The following BMPR1B variants were observed in gnomAD, a reference collection of about 807,000 sequenced individuals.
BMPR1B encodes the protein bone morphogenetic protein receptor type 1B, also known as bone morphogenetic protein receptor type-1B.
In BMPR1B, 12 loss-of-function variants were observed where a neutral mutation model predicts 59.1. The ratio of observed to expected loss-of-function variants is 0.20; its 90% CI spans 0.13 to 0.33. BMPR1B has a LOEUF of 0.33. BMPR1B is among the 10% of genes least tolerant of loss of function. BMPR1B has a pLI of 1.00. For missense variants in BMPR1B, 550 were observed against 610.9 expected, an observed-to-expected ratio of 0.90 and a Z score of 1.05; for synonymous variants, 237 against 207.3, an observed-to-expected ratio of 1.14 and a Z score of -1.23.
intron 1 of BMPR1B, among the ~76,000 whole-genome samples, chr4:94,865,073 G>A (rs1054356358): frequency 1.3e-5 from 2 of 150,126 alleles, no homozygotes; most frequent in Non-Finnish European, 3.0e-5. Flanking sequence ...GCCATGGTGT[G>A]ATCTCGGCTC....
intron 2 of BMPR1B, among the ~76,000 whole-genome samples, chr4:94,991,175 C>A (rs532350567): frequency 6.6e-6 from 1 of 152,060 alleles, no homozygotes; most frequent in Non-Finnish European, 1.5e-5. Flanking sequence ...CTTTTTCATT[C>A]TCCTTCTACT....
intron 2 of BMPR1B, among the ~76,000 whole-genome samples, chr4:94,977,066 T>C (rs1731058321): frequency 6.6e-6 from 1 of 152,230 alleles, no homozygotes; most frequent in African/African-American, 2.4e-5. Flanking sequence ...GTTACAGTTT[T>C]AAAATTTTGA....
At chr4:94,795,379 C>T (rs953207255) in intron 1 of BMPR1B, among the ~76,000 whole-genome samples, 2 of 151,776 alleles carry the variant, frequency 1.3e-5, no homozygotes, top group Non-Finnish European at 1.5e-5. Context: ...CCCACTTGAT[C>T]ATGGTGGATA....
chr4:94,898,416 T>A (rs2148997091), intron 2 of BMPR1B, among the ~76,000 whole-genome samples: 1 of 152,204 alleles, frequency 6.6e-6, no homozygotes, highest in African/African-American at 2.4e-5. Flanking sequence ...GGGAGGCACC[T>A]CATGGGACAT....
intron 3 of BMPR1B, among the ~76,000 whole-genome samples, chr4:95,027,262 T>C (rs1370854429): frequency 6.6e-6 from 1 of 152,200 alleles, no homozygotes; most frequent in African/African-American, 2.4e-5. Context: ...TTTTTTCTTT[T>C]GTATTTTATT....
At chr4:94,944,198 A>T (rs1424970764) in intron 2 of BMPR1B, among the ~76,000 whole-genome samples, 2 of 152,198 alleles carry the variant, frequency 1.3e-5, no homozygotes, top group Non-Finnish European at 2.9e-5. Context: ...AAATTCCAAA[A>T]CCTGAAACAC....
At chr4:94,895,667 ATCT>A (rs773753852) in intron 2 of BMPR1B, among the ~76,000 whole-genome samples, 4 of 147,334 alleles carry the variant, frequency 2.7e-5, no homozygotes, top group Non-Finnish European at 6.0e-5. Context: ...GGTGTGTGAC[ATCT>A]TTTTTTTTTT....
chr4:94,970,394 CAACCTCTGCCT>C (rs1260156394), intron 2 of BMPR1B, among the ~76,000 whole-genome samples: 1 of 151,992 alleles, frequency 6.6e-6, no homozygotes, highest in Non-Finnish European at 1.5e-5. Context: ...CGGCTCACTG[CAACCTCTGCCT>C]CGTGGGTTGA....
intron 1 of BMPR1B, among the ~76,000 whole-genome samples, chr4:94,828,837 A>G (rs1162496286): frequency 6.6e-6 from 1 of 152,164 alleles, no homozygotes; most frequent in Non-Finnish European, 1.5e-5. Context: ...TGTGAGAACC[A>G]CTGCACTAGG....
At chr4:94,896,683 T>G (rs905415145) in intron 2 of BMPR1B, among the ~76,000 whole-genome samples, 3 of 152,018 alleles carry the variant, frequency 2.0e-5, no homozygotes, top group Non-Finnish European at 2.9e-5. Flanking sequence ...TTAGGTAGAC[T>G]TTTGCAGGAG....
In BMPR1B at chr4:94,964,008, A is replaced by G. The variant is rs910643840; in HGVS notation, c.-112-32032A>G. Among the ~76,000 whole-genome samples the G allele has an allele frequency of 2.6e-5, 4 of 152,010 alleles. No individual in the cohort carries two copies. In the East Asian group the frequency reaches 7.7e-4, roughly 29 times the overall value. On this transcript the variant is annotated intron_variant, in intron 2 of 12. Coordinates refer to ENST00000515059, the MANE Select transcript of BMPR1B (RefSeq NM_001203.3). ...TTTTTGTATTATCTTCAGTTTTTTC[A>G]TAAATGTTTTACAGTTTTCACTGTA... is the stretch of plus-strand genomic sequence containing the variant.
chr4:95,153,641 A>C (rs1195539516), intron 12 of BMPR1B, among the ~76,000 whole-genome samples: 1 of 152,144 alleles, frequency 6.6e-6, no homozygotes, highest in Non-Finnish European at 1.5e-5. Context: ...TTGAGTCCAG[A>C]AGTTCGAGAC....
chr4:94,897,941 CT>C (rs869186341), intron 2 of BMPR1B, among the ~76,000 whole-genome samples: 10,139 of 90,566 alleles, frequency 0.11, 135 homozygotes, highest in Non-Finnish European at 0.14. Context: ...AATTCTTTTC[CT>C]TTTTTTTTTT....
chr4:95,132,660 T>TA lies in BMPR1B; in HGVS notation c.1076+1160dup, dbSNP rs562104609. On this transcript the variant is annotated intron_variant, in intron 10 of 12. Coordinates refer to ENST00000515059, the MANE Select transcript of BMPR1B (RefSeq NM_001203.3). ...CTACAACCCTTTTCAAGTCTTCCTA[T>TA]AAAAAAAAAAAATCCCACAATGCTT... Among the ~76,000 whole-genome samples the TA allele has an allele frequency of 2.7e-3, 396 of 145,082 alleles. 2 individuals are homozygous for TA. The highest frequency in any genetic ancestry group is 0.023 in the South Asian group (106 of 4,546).
intron 4 of BMPR1B, among the ~76,000 whole-genome samples, chr4:95,109,924 T>C (rs1303652306): frequency 4.3e-5 from 6 of 139,596 alleles, no homozygotes; most frequent in South Asian, 2.3e-4. Context: ...TGTGTTCTCA[T>C]TGTTCAATTC....
intron 2 of BMPR1B, among the ~76,000 whole-genome samples, chr4:94,905,853 T>C (rs1012675057): frequency 6.6e-6 from 1 of 151,990 alleles, no homozygotes; most frequent in African/African-American, 2.4e-5. Context: ...TTTGGAACTT[T>C]TACTAAGAGA....
chr4:94,836,098 T>G (rs1578698583), intron 1 of BMPR1B, among the ~76,000 whole-genome samples: 1 of 148,680 alleles, frequency 6.7e-6, no homozygotes, highest in East Asian at 1.9e-4. Context: ...CTCATCATTT[T>G]TTATGGCTGC....
intron 6 of BMPR1B, among the ~76,000 whole-genome samples, chr4:95,122,386 G>A (rs893921402): frequency 5.3e-5 from 8 of 151,904 alleles, no homozygotes; most frequent in Admixed American, 4.6e-4. Flanking sequence ...AAATAGGTGG[G>A]AGGACACTGA....
At chr4:94,976,393 T>C (rs770333894) in intron 2 of BMPR1B, among the ~76,000 whole-genome samples, 13 of 152,154 alleles carry the variant, frequency 8.5e-5, no homozygotes, top group Admixed American at 2.6e-4. Context: ...GAGTTATATG[T>C]AAGAAACAAC....
Sources: allele counts gnomAD v4.1 joint callset (sites outside exome capture counted in the v4.1 genomes callset), GRCh38; gene constraint gnomAD v4.1.1; transcripts MANE v1.5; gene names NCBI Gene and HGNC (gene_info 2026-07-23, HGNC 2026-07-21).